The following ATRNL1 variants were observed in gnomAD, a reference collection of about 807,000 sequenced individuals.
The protein encoded by ATRNL1 is attractin like 1, also known as attractin-like protein 1.
A neutral mutation model predicts 182.7 loss-of-function variants in ATRNL1; 95 were observed. The observed-to-expected ratio is 0.52, with a 90% CI of 0.44 to 0.62. The LOEUF (loss-of-function observed/expected upper bound fraction) is 0.62, where lower values mean the gene tolerates loss of function less well. Among genes scored for constraint, ATRNL1 ranks in the 20% least tolerant of loss-of-function variants. ATRNL1 has a pLI of 0.00. For synonymous variants in ATRNL1, 576 were observed against 568.3 expected (o/e 1.01, Z -0.19); for missense variants, 1,471 against 1,679.5 (o/e 0.88, Z 2.17).
chr10:115,168,710 C>T (rs1461545526), intron 7 of ATRNL1, among the ~76,000 whole-genome samples: 4 of 152,014 alleles, frequency 2.6e-5, no homozygotes, highest in African/African-American at 9.7e-5. Context: ...TAGATACAAG[C>T]CATTATCAGG....
chr10:115,367,818 C>G (rs1242368552), intron 19 of ATRNL1, among the ~76,000 whole-genome samples: 1 of 144,834 alleles, frequency 6.9e-6, no homozygotes, highest in African/African-American at 2.5e-5. Flanking sequence ...GGGTGCCTCC[C>G]AGTTAGGCTG....
intron 25 of ATRNL1, among the ~76,000 whole-genome samples, chr10:115,532,078 G>A (rs1851625131): frequency 6.6e-6 from 1 of 151,356 alleles, no homozygotes; most frequent in Non-Finnish European, 1.5e-5. Context: ...CTCCAGCTTT[G>A]TTCTTTTGGC....
chr10:115,561,484 A>G (rs1394937956), intron 26 of ATRNL1, among the ~76,000 whole-genome samples: 2 of 152,192 alleles, frequency 1.3e-5, no homozygotes, highest in African/African-American at 4.8e-5. Context: ...TATAACAACT[A>G]TTTACATAAC....
intron 27 of ATRNL1, among the ~76,000 whole-genome samples, chr10:115,753,396 A>G (rs1303862749): frequency 3.3e-5 from 5 of 151,960 alleles, no homozygotes; most frequent in Admixed American, 2.6e-4. Context: ...TAATTGTTCA[A>G]CTACCACTTA....
chr10:115,351,195 G>A (rs1856232988), intron 19 of ATRNL1, among the ~76,000 whole-genome samples: 1 of 151,992 alleles, frequency 6.6e-6, no homozygotes, highest in Non-Finnish European at 1.5e-5. Context: ...CTGTAAACAA[G>A]GATAATTTTA....
chr10:115,713,337 A>G (rs994851567), intron 26 of ATRNL1, among the ~76,000 whole-genome samples: 1 of 152,178 alleles, frequency 6.6e-6, no homozygotes, highest in Non-Finnish European at 1.5e-5. Flanking sequence ...TAAAAATCCA[A>G]GTACTATCAG....
At chr10:115,363,216 A>T (rs1423015831) in intron 19 of ATRNL1, among the ~76,000 whole-genome samples, 1 of 151,748 alleles carries the variant, frequency 6.6e-6, no homozygotes, top group Non-Finnish European at 1.5e-5. Flanking sequence ...CGCCATTCTA[A>T]ATGGTGTGAG....
chr10:115,449,960 G>C (rs1208605988), intron 21 of ATRNL1, among the ~76,000 whole-genome samples: 1 of 152,134 alleles, frequency 6.6e-6, no homozygotes, highest in Non-Finnish European at 1.5e-5. Flanking sequence ...AATCAAGTAA[G>C]TAAGTAGGCT....
At chr10:115,697,924 T>G (rs1760912080) in intron 26 of ATRNL1, among the ~76,000 whole-genome samples, 1 of 152,186 alleles carries the variant, frequency 6.6e-6, no homozygotes, top group African/African-American at 2.4e-5. Context: ...GAGGCTAATT[T>G]AATGCGATAT....
At chr10:115,938,171 A>G (rs887410337) in intron 28 of ATRNL1, among the ~76,000 whole-genome samples, 1 of 152,172 alleles carries the variant, frequency 6.6e-6, no homozygotes, top group Non-Finnish European at 1.5e-5. Context: ...TTATTACTGT[A>G]CTTATTAATT....
At chr10:115,941,422 T>C in intron 28 of ATRNL1, among the ~76,000 whole-genome samples, 1 of 152,198 alleles carries the variant, frequency 6.6e-6, no homozygotes, top group Middle Eastern at 3.2e-3. Context: ...TAGCGTAGAA[T>C]TTCCTGTTTT....
intron 19 of ATRNL1, among the ~76,000 whole-genome samples, chr10:115,372,231 G>A (rs1857433512): frequency 6.6e-6 from 1 of 152,086 alleles, no homozygotes; most frequent in Non-Finnish European, 1.5e-5. Context: ...TTGCTATTGA[G>A]TTGTTTGAGT....
intron 5 of ATRNL1, among the ~76,000 whole-genome samples, chr10:115,130,919 T>G (rs182588545): frequency 1.6e-4 from 24 of 152,298 alleles, no homozygotes; most frequent in African/African-American, 5.5e-4. Context: ...TGTATAACAT[T>G]CTCTGTGAAC....
intron 27 of ATRNL1, among the ~76,000 whole-genome samples, chr10:115,739,036 A>T (rs1948063790): frequency 6.6e-6 from 1 of 152,128 alleles, no homozygotes; most frequent in Admixed American, 6.5e-5. Context: ...TTGAAATATT[A>T]TTTTTATCTT....
At chr10:115,174,878 T>C (rs1173682813) in intron 8 of ATRNL1, among the ~76,000 whole-genome samples, 1 of 151,842 alleles carries the variant, frequency 6.6e-6, no homozygotes, top group African/African-American at 2.4e-5. Context: ...GGACATTATA[T>C]ATAGGGAAAA....
rs1291845676 is a variant in ATRNL1, at chr10:115,644,541, A to AT, written c.3796-82706dup. Among the ~76,000 whole-genome samples, 4 of 152,286 alleles carry AT rather than the reference A, an allele frequency of 2.6e-5. No homozygotes were observed. In the South Asian group the frequency reaches 6.2e-4, roughly 24 times the overall value. Reference sequence around the variant, plus strand: ...ATTCCAAAGTCTGTATACTTTTGCCATATATAGGGTTGTAAGTCAGACAGA... The same window carrying AT: ...ATTCCAAAGTCTGTATACTTTTGCCATTATATAGGGTTGTAAGTCAGACAGA... On this transcript the variant is annotated intron_variant, in intron 26 of 28. Transcript: ENST00000355044.
chr10:115,651,471 C>G (rs1243192176), intron 26 of ATRNL1, among the ~76,000 whole-genome samples: 3 of 152,134 alleles, frequency 2.0e-5, no homozygotes, highest in African/African-American at 7.2e-5. Flanking sequence ...TTTCCTTTTA[C>G]TGCTTTCAAG....
chr10:115,451,061 A>G (rs2040315405), intron 21 of ATRNL1, among the ~76,000 whole-genome samples: 1 of 152,194 alleles, frequency 6.6e-6, no homozygotes, highest in Non-Finnish European at 1.5e-5. Context: ...ATAACTGGCT[A>G]TCCATATGCA....
chr10:115,791,459 C>T (rs1002788153), intron 27 of ATRNL1, among the ~76,000 whole-genome samples: 29 of 152,228 alleles, frequency 1.9e-4, no homozygotes, highest in Admixed American at 1.0e-3. Flanking sequence ...CCTGGGTGTT[C>T]GGAAAGGTAA....
Sources: allele counts gnomAD v4.1 joint callset (sites outside exome capture counted in the v4.1 genomes callset), GRCh38; gene constraint gnomAD v4.1.1; transcripts MANE v1.5; gene names NCBI Gene and HGNC (gene_info 2026-07-23, HGNC 2026-07-21).